FOXN3: variants seen among roughly 807,000 people sequenced by gnomAD.
FOXN3 encodes the protein forkhead box N3, also known as forkhead box protein N3.
Under a neutral mutation model 38.4 loss-of-function variants are expected in FOXN3, and 7 were observed. That is an observed-to-expected ratio of 0.18 (90% CI 0.10 to 0.34). The LOEUF (loss-of-function observed/expected upper bound fraction) is 0.34. FOXN3 is among the 10% of genes least tolerant of loss of function. The pLI, the probability that FOXN3 is intolerant of heterozygous loss-of-function variation, is 1.00. For synonymous variants in FOXN3, 230 were observed against 242.2 expected (o/e 0.95, Z 0.47); for missense variants, 456 against 613.4 (o/e 0.74, Z 2.71).
In FOXN3 at chr14:89,464,038, C is replaced by T. The variant is rs916229389; in HGVS notation, c.-14-51548G>A. Among the ~76,000 whole-genome samples, 4 of 151,008 alleles carry T rather than the reference C, an allele frequency of 2.6e-5. No homozygotes were observed. In the South Asian group the frequency reaches 8.3e-4, roughly 31 times the overall value. ...ACCTCAGGTGATCCACATGCCTCGA[C>T]CCCCCAAAGTGCTGGGATTACAGGC... On this transcript the variant is annotated intron_variant, in intron 1 of 6. Transcript: ENST00000345097.
At chr14:89,380,062 T>A (rs1890597060) in intron 2 of FOXN3, among the ~76,000 whole-genome samples, 1 of 152,204 alleles carries the variant, frequency 6.6e-6, no homozygotes, top group Admixed American at 6.5e-5. Context: ...CTGATATGAT[T>A]TAGCTGCGTC....
intron 4 of FOXN3, among the ~76,000 whole-genome samples, chr14:89,225,027 G>C (rs1160981841): frequency 6.6e-6 from 1 of 151,504 alleles, no homozygotes; most frequent in Non-Finnish European, 1.5e-5. Context: ...TACTAGGGAG[G>C]CTGAGACAGA....
chr14:89,398,184 T>C (rs1187616700), intron 2 of FOXN3, among the ~76,000 whole-genome samples: 1 of 152,208 alleles, frequency 6.6e-6, no homozygotes, highest in Non-Finnish European at 1.5e-5. Flanking sequence ...TGGTCTCTTT[T>C]TATTTTGTTG....
At chr14:89,444,946 C>T (rs1413693867) in intron 1 of FOXN3, among the ~76,000 whole-genome samples, 2 of 151,776 alleles carry the variant, frequency 1.3e-5, no homozygotes, top group Admixed American at 6.6e-5. Flanking sequence ...CATAGCAAGA[C>T]CCCATCTCTA....
chr14:89,192,786 A>G (rs1404217177), intron 4 of FOXN3, among the ~76,000 whole-genome samples: 1 of 146,942 alleles, frequency 6.8e-6, no homozygotes, highest in East Asian at 2.0e-4. Context: ...TGAATTTTAT[A>G]TATTTAATAT....
intron 4 of FOXN3, 146 bp from the exon 5 acceptor site, chr14:89,180,952 A>ACACACACACG (rs1887654752): frequency 2.0e-6 from 1 of 508,814 alleles, no homozygotes; most frequent in Non-Finnish European, 3.4e-6. Flanking sequence ...ACACGTGCAC[A>ACACACACACG]TACACACACA....
chr14:89,289,181 CAAAAAA>C (rs368044925), intron 3 of FOXN3, among the ~76,000 whole-genome samples: 2 of 105,120 alleles, frequency 1.9e-5, no homozygotes, highest in Non-Finnish European at 3.7e-5. Context: ...AATTCTGTCT[CAAAAAA>C]AAAAAAAAAA....
At chr14:89,186,397 A>T (rs530728037) in intron 4 of FOXN3, among the ~76,000 whole-genome samples, 76 of 152,156 alleles carry the variant, frequency 5.0e-4, no homozygotes, top group Middle Eastern at 3.4e-3. Context: ...TTTGAAGATG[A>T]GTAATGGAGA....
chr14:89,542,895 A>T (rs749383902), intron 1 of FOXN3, among the ~76,000 whole-genome samples: 1 of 152,208 alleles, frequency 6.6e-6, no homozygotes, highest in Non-Finnish European at 1.5e-5. Flanking sequence ...CTGACGCTGG[A>T]CTTAGGCATC....
rs553856949 is a variant in FOXN3, at chr14:89,200,092, A to C, written c.746-19286T>G. ...GGGATAAGAACAGATGAAAACAAAC[A>C]AACAAACAAACACACACATCTCCAA... is the stretch of plus-strand genomic sequence containing the variant. On this transcript the variant is annotated intron_variant, in intron 4 of 5. Coordinates refer to ENST00000557258, the MANE Select transcript of FOXN3 (RefSeq NM_005197.4). Among the ~76,000 whole-genome samples, 3 of 152,248 alleles carry C rather than the reference A, an allele frequency of 2.0e-5. No homozygotes were observed. In the South Asian group the frequency reaches 6.2e-4, roughly 32 times the overall value.
intron 1 of FOXN3, among the ~76,000 whole-genome samples, chr14:89,464,138 A>G (rs193255209): frequency 2.0e-5 from 3 of 152,256 alleles, no homozygotes; most frequent in Admixed American, 2.0e-4. Flanking sequence ...GACAGAGTGG[A>G]TCCCAGTCTC....
At position 89,548,327 on chromosome 14, in the gene FOXN3, TA is replaced by T. The variant is rs34757736; in HGVS notation, c.-15+70700del. Among the ~76,000 whole-genome samples, 31,285 of 152,144 alleles carry T rather than the reference TA, an allele frequency of 0.21. 3,813 individuals carry two copies. The highest frequency in any genetic ancestry group is 0.39 in the East Asian group (2,023 of 5,168). ...ACATGTATATTTATGTTTGTCAGAA[TA>T]TATGCATGTATGCGGCTAGGCTACA... is the stretch of plus-strand genomic sequence containing the variant. On this transcript the variant is annotated intron_variant, in intron 1 of 6. Transcript: ENST00000345097. This position sits in a 1 kb window ranked among gnomAD's most constrained non-coding sequence, Gnocchi z 4.8.
At chr14:89,472,946 G>A (rs1362621232) in intron 1 of FOXN3, among the ~76,000 whole-genome samples, 1 of 152,104 alleles carries the variant, frequency 6.6e-6, no homozygotes, top group African/African-American at 2.4e-5. Flanking sequence ...CATTTCCAGG[G>A]GCAAAGTCAG....
intron 1 of FOXN3, among the ~76,000 whole-genome samples, chr14:89,445,074 A>G (rs1892465618): frequency 1.3e-5 from 2 of 151,900 alleles, no homozygotes; most frequent in African/African-American, 4.8e-5. Flanking sequence ...GTGGGCCATG[A>G]TTGAGCCACT....
chr14:89,316,847 T>G (rs1053098114), intron 3 of FOXN3, among the ~76,000 whole-genome samples: 1 of 152,114 alleles, frequency 6.6e-6, no homozygotes, highest in Non-Finnish European at 1.5e-5. Flanking sequence ...GTATTTTTAG[T>G]AGAGACGGGG....
At chr14:89,435,845 G>A (rs1001372950) in intron 1 of FOXN3, among the ~76,000 whole-genome samples, 5 of 152,120 alleles carry the variant, frequency 3.3e-5, no homozygotes, top group African/African-American at 9.7e-5. Flanking sequence ...AATGGCTACA[G>A]TCATGCAAAC....
At chr14:89,270,368 T>C (rs1016403906) in intron 4 of FOXN3, among the ~76,000 whole-genome samples, 18 of 152,238 alleles carry the variant, frequency 1.2e-4, no homozygotes, top group African/African-American at 4.3e-4. Flanking sequence ...TCTTAGGAAA[T>C]TGCAAGACAT....
At chr14:89,452,527 A>G (rs1048243081) in intron 1 of FOXN3, among the ~76,000 whole-genome samples, 1 of 152,178 alleles carries the variant, frequency 6.6e-6, no homozygotes, top group African/African-American at 2.4e-5. Flanking sequence ...TGGGTTAGGA[A>G]ATGCGTGCTC....
chr14:89,524,371 CAAAAAAAAAAAAAAAAA>C (rs1301922423), intron 1 of FOXN3, among the ~76,000 whole-genome samples: 1 of 6,562 alleles, frequency 1.5e-4, no homozygotes, highest in East Asian at 6.7e-3. Context: ...GACTCCATCT[CAAAAAAAAAAAAAAAAA>C]AAAAAAAAAA....
Sources: allele counts gnomAD v4.1 joint callset (sites outside exome capture counted in the v4.1 genomes callset), GRCh38; gene constraint gnomAD v4.1.1; non-coding constraint Gnocchi (gnomAD v3.1); transcripts MANE v1.5; gene names NCBI Gene and HGNC (gene_info 2026-07-23, HGNC 2026-07-21).